Variants in PRKG1 observed in about 807,000 individuals in gnomAD.
The protein encoded by PRKG1 is cGMP-dependent protein kinase 1.
In PRKG1, 35 loss-of-function variants were observed where a neutral mutation model predicts 88.1. The observed-to-expected ratio is 0.40, with a 90% CI of 0.30 to 0.53. The LOEUF (loss-of-function observed/expected upper bound fraction) is 0.53. PRKG1 is among the 20% of genes least tolerant of loss of function. The pLI is 0.59. For missense variants in PRKG1, 540 were observed against 839.8 expected (o/e 0.64, Z 4.41); for synonymous variants, 303 against 292.5 (o/e 1.04, Z -0.37).
At chr10:51,032,527 G>C (rs1237739483) in intron 1 of PRKG1, among the ~76,000 whole-genome samples, 1 of 152,156 alleles carries the variant, frequency 6.6e-6, no homozygotes, top group Non-Finnish European at 1.5e-5. Flanking sequence ...GGGAAGCTGA[G>C]GGAGGTGGTT....
chr10:52,091,985 A>G (rs1847067697), intron 7 of PRKG1, among the ~76,000 whole-genome samples: 4 of 152,148 alleles, frequency 2.6e-5, no homozygotes, highest in Admixed American at 2.6e-4. Flanking sequence ...CGGTATGACT[A>G]CTTCTGGGCA....
intron 12 of PRKG1, among the ~76,000 whole-genome samples, chr10:52,274,127 A>T (rs7894343): frequency 0.029 from 4,442 of 151,774 alleles, 288 homozygotes; most frequent in East Asian, 0.23. Context: ...ATAGCTTATT[A>T]TTTTTTTATT....
intron 4 of PRKG1, among the ~76,000 whole-genome samples, chr10:51,868,719 T>A (rs1424997966): frequency 6.6e-6 from 1 of 152,122 alleles, no homozygotes; most frequent in Admixed American, 6.6e-5. Context: ...CCTTGATGTG[T>A]CAAACATGTA....
chr10:52,103,547 T>C (rs571429238), intron 7 of PRKG1, among the ~76,000 whole-genome samples: 41 of 152,306 alleles, frequency 2.7e-4, no homozygotes, highest in African/African-American at 9.9e-4. Flanking sequence ...TACTTTCTTG[T>C]AAGAATACAG....
At chr10:51,058,787 T>TA (rs1412304024) in intron 1 of PRKG1, among the ~76,000 whole-genome samples, 1 of 152,190 alleles carries the variant, frequency 6.6e-6, no homozygotes, top group African/African-American at 2.4e-5. Flanking sequence ...AAGCTTATCT[T>TA]ATCTCTCACA....
intron 3 of PRKG1, among the ~76,000 whole-genome samples, chr10:51,727,297 TA>T (rs1842158659): frequency 1.3e-5 from 2 of 148,994 alleles, no homozygotes; most frequent in South Asian, 4.2e-4. Context: ...TATATATATA[TA>T]TATTTTTTTT....
At chr10:51,359,112 C>T (rs1842426501) in intron 2 of PRKG1, among the ~76,000 whole-genome samples, 1 of 151,794 alleles carries the variant, frequency 6.6e-6, no homozygotes, top group African/African-American at 2.4e-5. Context: ...GAAGATTATG[C>T]ATGTTTCTTT....
At chr10:51,031,576 G>C (rs766099120) in intron 1 of PRKG1, among the ~76,000 whole-genome samples, 2 of 152,150 alleles carry the variant, frequency 1.3e-5, no homozygotes, top group African/African-American at 4.8e-5. Context: ...TGGCCAGTGT[G>C]CATCAAGCAT....
At chr10:51,361,554 G>A (rs1842480620) in intron 2 of PRKG1, among the ~76,000 whole-genome samples, 1 of 151,820 alleles carries the variant, frequency 6.6e-6, no homozygotes, top group South Asian at 2.1e-4. Context: ...GAGCTCTCAG[G>A]TCCATGGTGA....
intron 9 of PRKG1, among the ~76,000 whole-genome samples, chr10:52,225,600 T>G (rs1283737622): frequency 6.6e-6 from 1 of 152,196 alleles, no homozygotes; most frequent in Admixed American, 6.6e-5. Flanking sequence ...ATGTTTCTTC[T>G]AGAATTTCAG....
intron 3 of PRKG1, among the ~76,000 whole-genome samples, chr10:51,743,439 A>G (rs998651489): frequency 5.9e-5 from 9 of 151,740 alleles, no homozygotes; most frequent in African/African-American, 1.9e-4. Context: ...CAGCTTGGAA[A>G]TAATCACATG....
chr10:51,543,759 G>A (rs910240205), intron 3 of PRKG1, among the ~76,000 whole-genome samples: 1 of 152,132 alleles, frequency 6.6e-6, no homozygotes, highest in Non-Finnish European at 1.5e-5. Flanking sequence ...GTGAACAGGG[G>A]CAGAAACAAA....
rs371479861 is a variant in PRKG1, at chr10:51,455,962, G to A, written c.479-11761G>A. ...TCTTTACAGCAGCACCCAACTCCTG[G>A]TACCAATTCACTATATTAGTCTGTT... is the stretch of plus-strand genomic sequence containing the variant. On this transcript the variant is annotated intron_variant, in intron 2 of 17. Transcript: ENST00000373980. 1.6e-4 allele frequency among the ~76,000 whole-genome samples: 25 copies of A among 152,208 alleles called. No homozygotes were observed. The South Asian group carries it at 1.7e-3, about 10-fold the overall frequency.
At chr10:51,583,428 G>A (rs533768659) in intron 3 of PRKG1, among the ~76,000 whole-genome samples, 15 of 152,166 alleles carry the variant, frequency 9.9e-5, no homozygotes, top group African/African-American at 3.6e-4. Flanking sequence ...TTAAATGAAA[G>A]CACCATCTGC....
intron 5 of PRKG1, among the ~76,000 whole-genome samples, chr10:51,936,595 G>T: frequency 6.6e-6 from 1 of 151,950 alleles, no homozygotes; most frequent in African/African-American, 2.4e-5. Flanking sequence ...CCCATTTCTT[G>T]CATCTTATAT....
chr10:51,404,702 A>G (rs916191853), intron 2 of PRKG1, among the ~76,000 whole-genome samples: 4 of 152,212 alleles, frequency 2.6e-5, no homozygotes, highest in African/African-American at 9.7e-5. Flanking sequence ...TGTACTTGGA[A>G]TGTTGTAGAG....
At position 51,324,754 on chromosome 10, in the gene PRKG1, C is replaced by A. The variant is rs550808956; in HGVS notation, c.479-142969C>A. Among the ~76,000 whole-genome samples, 302 of 151,912 alleles carry A rather than the reference C, an allele frequency of 2.0e-3. 1 individual carries two copies. The highest frequency in any genetic ancestry group is 7.0e-3 in the African/African-American group (289 of 41,516). On this transcript the variant is annotated intron_variant, in intron 2 of 17. Transcript: ENST00000373980. The stretch of plus-strand genomic sequence containing the variant: ...AGACTCCGTCTCAAAAAAAAAGATT[C>A]CATTGTGTATATATCTAACATTTTC...
At chr10:51,084,756 T>G (rs908115480) in intron 1 of PRKG1, among the ~76,000 whole-genome samples, 3 of 152,214 alleles carry the variant, frequency 2.0e-5, no homozygotes, top group African/African-American at 7.2e-5. Context: ...AGAAGTAACA[T>G]TGTACTTCTT....
At chr10:52,105,520 G>A (rs1417990192) in intron 7 of PRKG1, among the ~76,000 whole-genome samples, 7 of 152,190 alleles carry the variant, frequency 4.6e-5, no homozygotes, top group Admixed American at 2.6e-4. Flanking sequence ...TGCAGAGGGC[G>A]TGTAGAATGG....
Sources: allele counts gnomAD v4.1 joint callset (sites outside exome capture counted in the v4.1 genomes callset), GRCh38; gene constraint gnomAD v4.1.1; transcripts MANE v1.5; gene names NCBI Gene and HGNC (gene_info 2026-07-23, HGNC 2026-07-21).